Variants in IL1RAPL1 observed in about 807,000 individuals in gnomAD.
The protein encoded by IL1RAPL1 is interleukin 1 receptor accessory protein like 1, also known as interleukin-1 receptor accessory protein-like 1.
In IL1RAPL1, 3 loss-of-function variants were observed where a neutral mutation model predicts 48.4. That is an observed-to-expected ratio of 0.06 (90% CI 0.03 to 0.16). The LOEUF is 0.16. IL1RAPL1 is among the 10% of genes least tolerant of loss of function. The probability of loss-of-function intolerance (pLI) is 1.00; values close to 1 mark genes in which losing one functional copy is unlikely to be tolerated. For synonymous variants in IL1RAPL1, 185 were observed against 187.7 expected (o/e 0.99, Z 0.12); for missense variants, 349 against 530.6 (o/e 0.66, Z 3.36).
intron 1 of IL1RAPL1, among the ~76,000 whole-genome samples, chrX:28,702,274 G>A (rs1447697162): frequency 1.8e-5 from 2 of 111,567 alleles, no homozygotes; most frequent in Non-Finnish European, 3.8e-5. Flanking sequence ...CAAATATTTA[G>A]TTATTAACTC....
chrX:29,886,014 T>C (rs1163916537), intron 6 of IL1RAPL1, among the ~76,000 whole-genome samples: 2 of 111,887 alleles, frequency 1.8e-5, no homozygotes, highest in Non-Finnish European at 3.8e-5. Context: ...AGAAGGATGG[T>C]GGCTTCCTAT....
At chrX:28,588,204 ATATGTGTGTG>A (rs1452955871) in intron 1 of IL1RAPL1, among the ~76,000 whole-genome samples, 157 bp downstream of exon 1, 1 of 36,241 alleles carries the variant, frequency 2.8e-5, no homozygotes, top group African/African-American at 1.7e-4. Flanking sequence ...GGGTGTGTTG[ATATGTGTGTG>A]TGTGTGTGTG....
intron 2 of IL1RAPL1, among the ~76,000 whole-genome samples, chrX:28,877,399 C>T (rs929010843): frequency 1.8e-5 from 2 of 112,144 alleles, no homozygotes; most frequent in African/African-American, 6.5e-5. Context: ...TTAAATAATT[C>T]ATAGATTATT....
intron 6 of IL1RAPL1, among the ~76,000 whole-genome samples, chrX:29,891,147 C>T (rs1411994524): frequency 8.9e-6 from 1 of 112,101 alleles, no homozygotes; most frequent in East Asian, 2.8e-4. Context: ...TGCACTCTGT[C>T]ATCTGTAACC....
At chrX:29,027,105 G>A (rs951530574) in intron 2 of IL1RAPL1, among the ~76,000 whole-genome samples, 2 of 111,522 alleles carry the variant, frequency 1.8e-5, no homozygotes, top group South Asian at 3.8e-4. Flanking sequence ...CTGTGGGTTT[G>A]GACAAATGTG....
intron 1 of IL1RAPL1, among the ~76,000 whole-genome samples, chrX:28,779,395 T>G (rs1385559593): frequency 1.8e-5 from 2 of 108,665 alleles, no homozygotes; most frequent in Non-Finnish European, 3.8e-5. Flanking sequence ...TATGCACCTT[T>G]GCAGTTCCAC....
At chrX:29,042,211 A>C in intron 2 of IL1RAPL1, among the ~76,000 whole-genome samples, 1 of 111,927 alleles carries the variant, frequency 8.9e-6, no homozygotes, top group African/African-American at 3.2e-5. Flanking sequence ...TAGAGGCCCA[A>C]TGAATTTGGT....
chrX:29,358,969 C>T (rs753879941), intron 3 of IL1RAPL1, among the ~76,000 whole-genome samples: 33 of 108,392 alleles, frequency 3.0e-4, no homozygotes, highest in East Asian at 1.2e-3. Flanking sequence ...TGCAGTGAGC[C>T]GAGATCACGC....
At chrX:29,619,745 T>A in intron 5 of IL1RAPL1, among the ~76,000 whole-genome samples, 1 of 111,956 alleles carries the variant, frequency 8.9e-6, no homozygotes, top group Non-Finnish European at 1.9e-5. Context: ...TTGCAACTGA[T>A]ATCAATGATC....
At chrX:28,852,602 C>T (rs972790217) in intron 2 of IL1RAPL1, among the ~76,000 whole-genome samples, 2 of 111,638 alleles carry the variant, frequency 1.8e-5, no homozygotes, top group African/African-American at 6.5e-5. Flanking sequence ...TTTCTACCCT[C>T]TTAATTTTTA....
intron 2 of IL1RAPL1, among the ~76,000 whole-genome samples, chrX:29,230,204 T>C (rs995643123): frequency 1.8e-5 from 2 of 110,922 alleles, no homozygotes; most frequent in Non-Finnish European, 3.8e-5. Context: ...GTCTATACAC[T>C]GTAAGTCTGT....
intron 6 of IL1RAPL1, among the ~76,000 whole-genome samples, chrX:29,907,266 T>G (rs1932651769): frequency 1.8e-5 from 2 of 111,459 alleles, no homozygotes; most frequent in African/African-American, 6.5e-5. Flanking sequence ...AAATAAAAAT[T>G]CATAATCATT....
intron 2 of IL1RAPL1, among the ~76,000 whole-genome samples, chrX:29,069,129 T>A (rs1927509852): frequency 8.9e-6 from 1 of 111,929 alleles, no homozygotes; most frequent in Non-Finnish European, 1.9e-5. Flanking sequence ...ATTGCTTTAA[T>A]GATGTCCATA....
chrX:29,571,812 A>T (rs1922605579), intron 5 of IL1RAPL1, among the ~76,000 whole-genome samples: 1 of 111,594 alleles, frequency 9.0e-6, no homozygotes. Flanking sequence ...TCCTCCCTAC[A>T]ATGTCACCAT....
intron 5 of IL1RAPL1, among the ~76,000 whole-genome samples, chrX:29,539,479 C>G (rs142564662): frequency 0.013 from 1,473 of 111,270 alleles, 28 homozygotes; most frequent in African/African-American, 0.045. Flanking sequence ...AGGATGCCCC[C>G]TCTCACTGAT....
intron 8 of IL1RAPL1, among the ~76,000 whole-genome samples, chrX:29,935,269 A>G (rs1933013811): frequency 9.0e-6 from 1 of 111,311 alleles, no homozygotes; most frequent in South Asian, 3.8e-4. Flanking sequence ...AGGAGGTACT[A>G]TGAGACGGTG....
At chrX:28,700,199 A>C (rs1322709734) in intron 1 of IL1RAPL1, among the ~76,000 whole-genome samples, 1 of 111,574 alleles carries the variant, frequency 9.0e-6, no homozygotes, top group African/African-American at 3.3e-5. Context: ...AGGCAGTTTG[A>C]TTCTACAGGG....
intron 2 of IL1RAPL1, among the ~76,000 whole-genome samples, chrX:29,253,249 G>A (rs1394590693): frequency 9.0e-6 from 1 of 111,002 alleles, no homozygotes; most frequent in East Asian, 2.8e-4. Context: ...AGATGATAAA[G>A]TGGTGAGATT....
intron 2 of IL1RAPL1, among the ~76,000 whole-genome samples, chrX:28,995,074 A>C (rs1352070457): frequency 1.8e-5 from 2 of 111,309 alleles, no homozygotes; most frequent in African/African-American, 3.3e-5. Context: ...TATAAGTACT[A>C]AGTTCTGAAT....
Sources: gnomAD v4.1 joint callset for allele counts (sites outside exome capture counted in the v4.1 genomes callset) on GRCh38, gnomAD v4.1.1 for gene constraint, MANE v1.5 for transcripts, NCBI Gene and HGNC (gene_info 2026-07-23, HGNC 2026-07-21) for gene names.